The following RAD52 variants were observed in gnomAD, a reference collection of about 807,000 sequenced individuals.
RAD52 encodes DNA repair protein RAD52 homolog.
A neutral mutation model predicts 55.5 loss-of-function variants in RAD52; 47 were observed. That is an observed-to-expected ratio of 0.85 (90% CI 0.67 to 1.08). The LOEUF (loss-of-function observed/expected upper bound fraction) is 1.08, where lower values mean the gene tolerates loss of function less well. Ranked by LOEUF, RAD52 falls within the 50% of genes least tolerant of loss-of-function variation. RAD52 has a pLI of 0.00. For missense variants in RAD52, 468 were observed against 522.8 expected (o/e 0.90, Z 1.02); for synonymous variants, 184 against 198.9 (o/e 0.92, Z 0.63).
At chr12:932,221 G>C (rs1023050536) in intron 2 of RAD52, among the ~76,000 whole-genome samples, 1 of 152,164 alleles carries the variant, frequency 6.6e-6, no homozygotes, top group Non-Finnish European at 1.5e-5. Flanking sequence ...AAGCCCGGGC[G>C]TGGTGGCTCA....
At chr12:935,926 C>A (rs796964280) in intron 1 of RAD52, among the ~76,000 whole-genome samples, 1 of 147,036 alleles carries the variant, frequency 6.8e-6, no homozygotes, top group African/African-American at 2.5e-5. Flanking sequence ...ACCATGTTGG[C>A]CAGCCTGATC....
At chr12:983,695 C>A (rs932359660) in intron 1 of RAD52, among the ~76,000 whole-genome samples, 1 of 150,278 alleles carries the variant, frequency 6.7e-6, no homozygotes, top group Non-Finnish European at 1.5e-5. Context: ...GCTGGGATTA[C>A]AGGCATGAGC....
At chr12:945,754 T>C (rs887214039) in intron 1 of RAD52, among the ~76,000 whole-genome samples, 17 of 148,688 alleles carry the variant, frequency 1.1e-4, no homozygotes, top group African/African-American at 4.0e-4. Context: ...GTCTTAAAAT[T>C]TGTGGGAACC....
chr12:964,105 G>A (rs1188678593), intron 1 of RAD52, among the ~76,000 whole-genome samples: 1 of 152,162 alleles, frequency 6.6e-6, no homozygotes, highest in African/African-American at 2.4e-5. Flanking sequence ...GATCAGGAAG[G>A]TTTGGGGTTC....
chr12:943,770 GT>G (rs1958043260), intron 1 of RAD52, among the ~76,000 whole-genome samples: 1 of 146,754 alleles, frequency 6.8e-6, no homozygotes, highest in East Asian at 2.0e-4. Context: ...ATTTATCTTT[GT>G]GTGTGTGGTT....
At chr12:985,529 A>G (rs911876999) in intron 1 of RAD52, among the ~76,000 whole-genome samples, 2 of 152,246 alleles carry the variant, frequency 1.3e-5, no homozygotes, top group East Asian at 3.9e-4. Context: ...ATTTATACCT[A>G]TATTTTCTTC....
chr12:913,933 A>G lies in RAD52; in HGVS notation c.1156T>C (p.Trp386Arg), dbSNP rs749161487. The change falls in exon 11 of 12, where the codon TGG becomes CGG. Residue 386 changes from tryptophan (W) to arginine (R), a missense_variant. Trp to Arg is a moderately radical substitution (Grantham distance 101). Transcript: ENST00000358495. The part of the protein sequence containing the change: ...HQKPQAKSGS[W>R]DLQTYSADQR... The stretch of plus-strand genomic sequence containing the variant: ...TCAGCGCTATAAGTTTGGAGGTCCC[A>G]AGATCCAGATTTTGCTTGTGGTTTC... 1.1e-5 allele frequency: 17 copies of G among 1,614,072 alleles called. No individual in the cohort carries two copies. In the African/African-American group the frequency reaches 2.1e-4, roughly 20 times the overall value.
rs2154113990 is a variant in RAD52, at chr12:930,108, C to T, written c.223G>A (p.Ala75Thr). 1 of 1,613,966 alleles carries T rather than the reference C, an allele frequency of 6.2e-7. No homozygotes were observed. The highest frequency in any genetic ancestry group is 8.5e-7 in the Non-Finnish European group (1 of 1,179,892). The change falls in exon 4 of 12, where the codon GCC becomes ACC. Residue 75 changes from alanine to threonine, a missense_variant. Physicochemically the swap from Ala to Thr is moderately conservative, Grantham distance 58 (BLOSUM62 0). Coordinates refer to ENST00000358495, the MANE Select transcript of RAD52 (RefSeq NM_134424.4). ...YIEGHRVINL[A>T]NEMFGYNGWA... ...CCATTGTAACCAAACATCTCATTGG[C>T]CAGATTAATTACCCGATGACCCTCA...
chr12:945,486 TAC>T (rs1958167099), intron 1 of RAD52, among the ~76,000 whole-genome samples: 1 of 150,774 alleles, frequency 6.6e-6, no homozygotes, highest in Admixed American at 6.6e-5. Context: ...CAGGCTGGAG[TAC>T]AGTGGCGCAA....
chr12:936,579 A>G (rs1957644725), intron 1 of RAD52, among the ~76,000 whole-genome samples: 1 of 151,586 alleles, frequency 6.6e-6, no homozygotes, highest in African/African-American at 2.4e-5. Context: ...TGTAACCTTG[A>G]CCTCCAGGGC....
At chr12:964,264 T>C (rs182287122) in intron 1 of RAD52, among the ~76,000 whole-genome samples, 1 of 152,192 alleles carries the variant, frequency 6.6e-6, no homozygotes, top group Non-Finnish European at 1.5e-5. Flanking sequence ...GGGGGAAAGA[T>C]GTTAAACAAG....
At chr12:968,957 A>T (rs1451273213) in intron 1 of RAD52, among the ~76,000 whole-genome samples, 1 of 152,132 alleles carries the variant, frequency 6.6e-6, no homozygotes, top group African/African-American at 2.4e-5. Flanking sequence ...TTTCTGCATC[A>T]ATGGATTCAA....
chr12:929,609 G>T, intron 5 of RAD52: 2 of 762,058 alleles, frequency 2.6e-6, no homozygotes. Flanking sequence ...ACTTTTAGGT[G>T]TCAGCTTGAA....
intron 9 of RAD52, among the ~76,000 whole-genome samples, chr12:915,720 GTTTTGT>G (rs1956328208): frequency 2.0e-5 from 1 of 50,784 alleles, no homozygotes; most frequent in East Asian, 8.8e-4. Context: ...TTTTTTTTTT[GTTTTGT>G]TTTTGTTTTG....
chr12:918,463 C>G (rs986016852), intron 7 of RAD52, among the ~76,000 whole-genome samples: 2 of 152,268 alleles, frequency 1.3e-5, no homozygotes, highest in African/African-American at 4.8e-5. Flanking sequence ...GTGGCGTAAT[C>G]ACAGCTCACT....
chr12:930,694 T>C (rs1201668133), intron 3 of RAD52, among the ~76,000 whole-genome samples: 1 of 150,206 alleles, frequency 6.7e-6, no homozygotes, highest in African/African-American at 2.4e-5. Flanking sequence ...AGGCTGGGCA[T>C]GGTGGCCCAC....
intron 1 of RAD52, among the ~76,000 whole-genome samples, chr12:966,246 C>T (rs968806826): frequency 6.6e-6 from 1 of 152,112 alleles, no homozygotes; most frequent in Non-Finnish European, 1.5e-5. Flanking sequence ...GGATTACATG[C>T]GTGAGCCACC....
intron 8 of RAD52, 77 bp downstream of exon 8, chr12:916,562 C>T: frequency 6.3e-7 from 1 of 1,598,834 alleles, no homozygotes; most frequent in Non-Finnish European, 8.5e-7. Context: ...GGCTGGCTGG[C>T]TCTGGAGGCC....
chr12:958,377 G>A (rs1225091306), intron 1 of RAD52, among the ~76,000 whole-genome samples: 1 of 151,912 alleles, frequency 6.6e-6, no homozygotes, highest in Admixed American at 6.6e-5. Context: ...CACCATACCC[G>A]GTTAATTTTT....
Sources: gnomAD v4.1 joint callset for allele counts (sites outside exome capture counted in the v4.1 genomes callset) on GRCh38, gnomAD v4.1.1 for gene constraint, MANE v1.5 for transcripts, NCBI Gene and HGNC (gene_info 2026-07-23, HGNC 2026-07-21) for gene names.